NTAQ1: variants seen among roughly 807,000 people sequenced by gnomAD.
NTAQ1 encodes the protein protein N-terminal glutamine amidohydrolase.
Under a neutral mutation model 28.2 loss-of-function variants are expected in NTAQ1, and 21 were observed. That is an observed-to-expected ratio of 0.74 (90% CI 0.53 to 1.07). NTAQ1 has a LOEUF of 1.07. NTAQ1 is among the 50% of genes least tolerant of loss of function. NTAQ1 has a pLI of 0.00. For synonymous variants in NTAQ1, 105 were observed against 90.0 expected (o/e 1.17, Z -0.94); for missense variants, 264 against 256.6 (o/e 1.03, Z -0.20).
chr8:123,443,855 G>A (rs1048447911), downstream of NTAQ1, among the ~76,000 whole-genome samples: 4 of 152,174 alleles, frequency 2.6e-5, no homozygotes, highest in African/African-American at 9.7e-5. Flanking sequence ...TTACAGGTGT[G>A]AGCCACTGCG....
downstream of NTAQ1, among the ~76,000 whole-genome samples, chr8:123,449,974 TGCTGG>T (rs1815441338): frequency 3.6e-4 from 20 of 56,026 alleles, no homozygotes; most frequent in East Asian, 3.1e-3. Context: ...TATATATATA[TGCTGG>T]ATAAAGGGGT....
rs1444511661 is a variant in NTAQ1, at chr8:123,428,123, C to A, written c.183+100C>A. On this transcript the variant is annotated intron_variant, in intron 2 of 5. Coordinates refer to ENST00000287387, the MANE Select transcript of NTAQ1 (RefSeq NM_018024.3). ...AGCTAAATATAGCATGGGTGTAGTA[C>A]TCTTCTGAAGTGTGCTTTATTAAAT... is the stretch of plus-strand genomic sequence containing the variant. 4.8e-6 allele frequency: 4 copies of A among 834,836 alleles called. No homozygotes were observed. In the African/African-American group the frequency reaches 5.1e-5, roughly 11 times the overall value. The allele number at this position is 834,836 out of a possible 1,614,324, so 51.7% of individuals were successfully genotyped here.
chr8:123,434,185 G>C (rs555789374), intron 3 of NTAQ1, among the ~76,000 whole-genome samples: 62 of 152,084 alleles, frequency 4.1e-4, no homozygotes, highest in Admixed American at 6.5e-4. Context: ...GATGTTCTCT[G>C]TTCTCCACAA....
At chr8:123,435,508 T>A in intron 3 of NTAQ1, 1 of 985,466 alleles carries the variant, frequency 1.0e-6, no homozygotes, top group South Asian at 4.7e-5. Flanking sequence ...TTCCTCTGCA[T>A]TCACATGCAT....
downstream of NTAQ1, among the ~76,000 whole-genome samples, chr8:123,444,410 G>A (rs1251093463): frequency 2.0e-5 from 3 of 152,164 alleles, no homozygotes; most frequent in African/African-American, 7.2e-5. Context: ...ATGTTGGCCA[G>A]GCTAGTCTCG....
intron 6 of NTAQ1, among the ~76,000 whole-genome samples, chr8:123,460,975 ATCTT>A (rs769186529): frequency 5.3e-5 from 8 of 152,152 alleles, no homozygotes; most frequent in African/African-American, 9.7e-5. Context: ...AGCTTTTGGA[ATCTT>A]TCTTTCATGT....
At position 123,454,036 on chromosome 8, in the gene NTAQ1, G is replaced by A. The variant is rs73705922; in HGVS notation, c.372+12687G>A. Among the ~76,000 whole-genome samples the A allele has an allele frequency of 6.3e-3, 957 of 152,312 alleles. 10 individuals carry two copies. Among genetic ancestry groups the A allele is most frequent in the African/African-American group, 0.022 (911 of 41,558 alleles). ...TTGTAGGGCAGGAGTGGGTCACTGA[G>A]CTTCCCCATGGTCGGGATGAAGTGT... On this transcript the variant is annotated intron_variant, in intron 6 of 6. Transcript: ENST00000650311.
At position 123,430,041 on chromosome 8, in the gene NTAQ1, A is replaced by G. The variant is rs774589416; in HGVS notation, c.234+8A>G. On this transcript the variant is annotated splice_region_variant and intron_variant, in intron 3 of 5. Coordinates refer to ENST00000287387, the MANE Select transcript of NTAQ1 (RefSeq NM_018024.3). ...GATGGACCTGTGATCTGGGTAAGACAGTTAATACAGAGAGTATTGACGCAT... is the reference window on the plus strand; with the variant it reads ...GATGGACCTGTGATCTGGGTAAGACGGTTAATACAGAGAGTATTGACGCAT... 6 of 1,610,034 alleles carry G rather than the reference A, an allele frequency of 3.7e-6. No individual in the cohort carries two copies. Among genetic ancestry groups the G allele is most frequent in the South Asian group, 3.3e-5 (3 of 90,558 alleles).
At chr8:123,448,676 C>T (rs905061050), downstream of NTAQ1, among the ~76,000 whole-genome samples, 1 of 152,188 alleles carries the variant, frequency 6.6e-6, no homozygotes, top group Non-Finnish European at 1.5e-5. Context: ...AGACTGCCCC[C>T]TTAGTGTCCC....
At chr8:123,432,496 G>A (rs62520973) in intron 3 of NTAQ1, among the ~76,000 whole-genome samples, 1 of 151,030 alleles carries the variant, frequency 6.6e-6, no homozygotes, top group African/African-American at 2.4e-5. Flanking sequence ...AAAAATTAGC[G>A]TGGTGGTGGG....
intron 1 of NTAQ1, among the ~76,000 whole-genome samples, chr8:123,423,424 T>TTCCCTC (rs1563882249): frequency 1.7e-4 from 23 of 136,662 alleles, no homozygotes; most frequent in East Asian, 8.9e-4. Context: ...TTCCTTCTCT[T>TTCCCTC]CTGTTTCTCT....
chr8:123,441,594 T>C lies in NTAQ1; in HGVS notation c.*179T>C. 1.6e-6 allele frequency: 1 copy of C among 628,208 alleles called. No homozygotes were observed. The highest frequency in any genetic ancestry group is 2.2e-5 in the South Asian group (1 of 46,192). The allele number at this position is 628,208 out of a possible 1,614,324, so 38.9% of individuals were successfully genotyped here. A position where few individuals can be genotyped will look rare whatever the true frequency, so the allele number is the denominator to read the frequency against. The stretch of plus-strand genomic sequence containing the variant: ...AAATGAACAACATAAAAACTTTTGT[T>C]TTGACATGTCAAATTGAAACTTGAT... On this transcript the variant is annotated 3_prime_UTR_variant, in exon 6 of 6. Transcript: ENST00000287387.
At chr8:123,449,232 G>A (rs1225930481), downstream of NTAQ1, among the ~76,000 whole-genome samples, 1 of 152,216 alleles carries the variant, frequency 6.6e-6, no homozygotes, top group Non-Finnish European at 1.5e-5. Flanking sequence ...TGGCTCAGTA[G>A]TGAAGCAGAA....
chr8:123,472,056 G>C (rs1384716009), downstream of NTAQ1, among the ~76,000 whole-genome samples: 1 of 152,164 alleles, frequency 6.6e-6, no homozygotes, highest in Non-Finnish European at 1.5e-5. Context: ...TTATTTGATA[G>C]GGGTCTTACC....
intron 3 of NTAQ1, among the ~76,000 whole-genome samples, chr8:123,430,607 G>A (rs556803584): frequency 3.3e-4 from 51 of 152,266 alleles, no homozygotes; most frequent in African/African-American, 2.6e-4. Flanking sequence ...GCAAAACTCC[G>A]TCTCTACTAA....
intron 1 of NTAQ1, among the ~76,000 whole-genome samples, chr8:123,424,889 TA>T (rs1813949785): frequency 6.6e-6 from 1 of 152,204 alleles, no homozygotes; most frequent in Admixed American, 6.6e-5. Context: ...CTGTAAGCTC[TA>T]ATTTATCATC....
intron 3 of NTAQ1, among the ~76,000 whole-genome samples, chr8:123,431,364 T>A (rs12674995): frequency 0.36 from 53,741 of 149,274 alleles, 9,952 homozygotes; most frequent in East Asian, 0.56. Flanking sequence ...AAAATAGAGT[T>A]TTTATGCTAA....
chr8:123,439,491 CGCCACCACACCCG>C (rs1345193211), intron 5 of NTAQ1, among the ~76,000 whole-genome samples: 1 of 151,806 alleles, frequency 6.6e-6, no homozygotes, highest in Admixed American at 6.6e-5. Context: ...TACAGGCGCC[CGCCACCACACCCG>C]GCTAATTTTT....
chr8:123,466,863 AG>A (rs1305320679), intron 6 of NTAQ1, among the ~76,000 whole-genome samples: 1 of 152,216 alleles, frequency 6.6e-6, no homozygotes, highest in African/African-American at 2.4e-5. Context: ...AAAACAATAA[AG>A]TGGCATTTTG....
Sources: allele counts gnomAD v4.1 joint callset (sites outside exome capture counted in the v4.1 genomes callset), GRCh38; gene constraint gnomAD v4.1.1; transcripts MANE v1.5; gene names NCBI Gene and HGNC (gene_info 2026-07-23, HGNC 2026-07-21).